TACC2: variants seen among roughly 807,000 people sequenced by gnomAD.
The protein encoded by TACC2 is transforming acidic coiled-coil containing protein 2.
TACC2 carries 137 observed loss-of-function variants against 227.3 expected under a neutral mutation model. That is an observed-to-expected ratio of 0.60 (90% CI 0.52 to 0.69). The LOEUF (loss-of-function observed/expected upper bound fraction) is 0.69, where lower values mean the gene tolerates loss of function less well. TACC2 is among the 30% of genes least tolerant of loss of function. The pLI, the probability that TACC2 is intolerant of heterozygous loss-of-function variation, is 0.00. For missense variants in TACC2, 3,470 were observed against 3,694.4 expected (o/e 0.94, Z 1.57); for synonymous variants, 1,523 against 1,487.5 (o/e 1.02, Z -0.55).
At chr10:122,126,947 G>A (rs1218503581) in intron 5 of TACC2, 2 of 152,328 alleles carry the variant, frequency 1.3e-5, no homozygotes, top group African/African-American at 4.8e-5. Context: ...GCCTTCGGGA[G>A]GTGATTAGGC....
chr10:122,074,434 G>T (rs1007078762), intron 3 of TACC2, among the ~76,000 whole-genome samples: 2 of 152,068 alleles, frequency 1.3e-5, no homozygotes, highest in African/African-American at 4.8e-5. Context: ...CACTGAGTTT[G>T]GTTTTTAAAA....
chr10:122,238,976 A>G (rs1377463787), intron 18 of TACC2, among the ~76,000 whole-genome samples: 1 of 152,044 alleles, frequency 6.6e-6, no homozygotes, highest in Non-Finnish European at 1.5e-5. Context: ...TATAGTGTAC[A>G]TAAGTGCAAT....
intron 5 of TACC2, among the ~76,000 whole-genome samples, chr10:122,101,747 T>G (rs2082186002): frequency 8.6e-6 from 1 of 116,946 alleles, no homozygotes; most frequent in African/African-American, 3.3e-5. Flanking sequence ...TTTTTTTTTG[T>G]ATTTTTAGTA....
intron 2 of TACC2, among the ~76,000 whole-genome samples, chr10:122,040,079 G>A (rs549036521): frequency 2.0e-5 from 3 of 152,166 alleles, no homozygotes; most frequent in Non-Finnish European, 4.4e-5. Context: ...CTGGGAGGCT[G>A]TTCTCAGGGG....
intron 5 of TACC2, among the ~76,000 whole-genome samples, chr10:122,096,970 G>C (rs1365465406): frequency 1.3e-5 from 2 of 152,186 alleles, no homozygotes; most frequent in Non-Finnish European, 2.9e-5. Context: ...AACAGGTCTA[G>C]TTACTGATGC....
At chr10:122,143,438 G>A in intron 6 of TACC2, 134 bp from the exon 7 acceptor site, 3 of 958,408 alleles carry the variant, frequency 3.1e-6, no homozygotes, top group Non-Finnish European at 4.5e-6. Context: ...GGGAAGCCGG[G>A]GAGCCAAGTG....
chr10:122,187,329 G>A (rs893659548), intron 7 of TACC2, among the ~76,000 whole-genome samples: 22 of 152,220 alleles, frequency 1.4e-4, no homozygotes, highest in South Asian at 1.0e-3. Flanking sequence ...CCCTTTCTTC[G>A]GTACACTCTG....
intron 7 of TACC2, chr10:122,192,762 C>T (rs957782222): frequency 9.6e-5 from 44 of 456,548 alleles, no homozygotes; most frequent in Admixed American, 2.8e-4. Context: ...GTGGGGACTC[C>T]AGTCTGCTGG....
intron 16 of TACC2, among the ~76,000 whole-genome samples, chr10:122,235,243 A>T (rs1334621786): frequency 2.0e-5 from 3 of 152,022 alleles, no homozygotes; most frequent in African/African-American, 7.2e-5. Context: ...ATGCACCACC[A>T]CACCTGGCTA....
intron 14 of TACC2, among the ~76,000 whole-genome samples, chr10:122,228,481 G>C (rs1245604364): frequency 1.3e-5 from 2 of 152,106 alleles, no homozygotes; most frequent in African/African-American, 4.8e-5. Context: ...TGAGCTGAAG[G>C]CCTCACCTAC....
At chr10:122,172,160 C>T (rs968217715) in intron 7 of TACC2, among the ~76,000 whole-genome samples, 2 of 152,220 alleles carry the variant, frequency 1.3e-5, no homozygotes, top group Admixed American at 6.5e-5. Context: ...AGATTGTACT[C>T]AAGGCTGCAG....
At chr10:122,126,010 C>T (rs1021692043) in intron 5 of TACC2, among the ~76,000 whole-genome samples, 1 of 152,020 alleles carries the variant, frequency 6.6e-6, no homozygotes, top group Non-Finnish European at 1.5e-5. Flanking sequence ...ATCTCCTGAC[C>T]TCGTGATCCA....
intron 8 of TACC2, among the ~76,000 whole-genome samples, chr10:122,203,939 C>T (rs1024299269): frequency 6.6e-6 from 1 of 151,940 alleles, no homozygotes; most frequent in African/African-American, 2.4e-5. Flanking sequence ...GCGGATCACT[C>T]GCGGTTAGGG....
chr10:122,210,844 C>A lies in TACC2; in HGVS notation c.6419C>A (p.Thr2140Asn). The part of the protein sequence containing the change: ...PRPPSLKKKQ[T>N]TKKPTETPPV... ...CCGCCTTCCTTAAAAAAGAAACAGA[C>A]CACCAAGAAACCCACAGAGACCCCC... Residue 2140 changes from threonine (T) to asparagine (N), a missense_variant, in exon 9 of 23, where the codon ACC (threonine) becomes AAC (asparagine). Transcript: ENST00000369005. This position sits in a 1 kb window ranked among gnomAD's most constrained non-coding sequence, Gnocchi z 4.6. 1 of 1,612,178 alleles carries A rather than the reference C, an allele frequency of 6.2e-7. No individual in the cohort carries two copies. The highest frequency in any genetic ancestry group is 1.7e-5 in the Admixed American group (1 of 59,536).
chr10:122,252,114 A>G (rs531056295), intron 22 of TACC2, among the ~76,000 whole-genome samples: 16 of 150,502 alleles, frequency 1.1e-4, no homozygotes, highest in African/African-American at 3.9e-4. Context: ...AGCTTGGAAA[A>G]CCTCCGGGAA....
At chr10:122,134,501 T>C (rs923522883) in intron 6 of TACC2, among the ~76,000 whole-genome samples, 2 of 152,204 alleles carry the variant, frequency 1.3e-5, no homozygotes, top group African/African-American at 4.8e-5. Context: ...GTTTTTACTT[T>C]TGTGTGACTT....
intron 7 of TACC2, among the ~76,000 whole-genome samples, chr10:122,171,230 G>A (rs1355379756): frequency 1.3e-5 from 2 of 152,132 alleles, no homozygotes; most frequent in Non-Finnish European, 2.9e-5. Flanking sequence ...TTTCCTCTGA[G>A]TTTCTGCTTT....
chr10:122,080,586 A>G (rs1249719422), intron 3 of TACC2, among the ~76,000 whole-genome samples: 1 of 152,232 alleles, frequency 6.6e-6, no homozygotes, highest in Admixed American at 6.5e-5. Flanking sequence ...CCTCACTACT[A>G]TAACTTCACT....
chr10:122,123,413 GTT>G (rs983761604), intron 5 of TACC2, among the ~76,000 whole-genome samples: 28 of 152,156 alleles, frequency 1.8e-4, no homozygotes, highest in African/African-American at 6.8e-4. Context: ...GAGATGAGTT[GTT>G]TTTCATCATC....
Sources: allele counts gnomAD v4.1 joint callset (sites outside exome capture counted in the v4.1 genomes callset), GRCh38; gene constraint gnomAD v4.1.1; non-coding constraint Gnocchi (gnomAD v3.1); transcripts MANE v1.5; gene names NCBI Gene and HGNC (gene_info 2026-07-23, HGNC 2026-07-21).